Variants in KDM3B observed in about 807,000 individuals in gnomAD.
The protein encoded by KDM3B is lysine-specific demethylase 3B.
Under a neutral mutation model 170.0 loss-of-function variants are expected in KDM3B, and 10 were observed. The ratio of observed to expected loss-of-function variants is 0.06; its 90% CI spans 0.04 to 0.10. KDM3B has a LOEUF of 0.10. KDM3B is among the 10% of genes least tolerant of loss of function. The pLI is 1.00. For synonymous variants in KDM3B, 831 were observed against 834.8 expected (o/e 1.00, Z 0.08); for missense variants, 1,394 against 2,195.2 (o/e 0.64, Z 7.29).
chr5:138,428,955 T>C (rs1031850596), intron 20 of KDM3B, among the ~76,000 whole-genome samples: 1 of 147,602 alleles, frequency 6.8e-6, no homozygotes, highest in East Asian at 1.9e-4. Context: ...TTTTTTTTTT[T>C]TTTTTTTTTT....
intron 15 of KDM3B, among the ~76,000 whole-genome samples, chr5:138,423,196 T>C (rs1340646598): frequency 1.3e-5 from 2 of 152,230 alleles, no homozygotes; most frequent in African/African-American, 2.4e-5. Context: ...TCCACCTGCC[T>C]TGGCCTCCCA....
intron 6 of KDM3B, among the ~76,000 whole-genome samples, chr5:138,382,576 T>A (rs1580897138): frequency 1.3e-5 from 2 of 152,368 alleles, no homozygotes; most frequent in African/African-American, 4.8e-5. Context: ...GTAATATTGC[T>A]GTCGTTGCCA....
chr5:138,412,557 G>A (rs1763000252), intron 11 of KDM3B, among the ~76,000 whole-genome samples: 2 of 151,982 alleles, frequency 1.3e-5, no homozygotes, highest in African/African-American at 4.8e-5. Context: ...AGGAGGCTGA[G>A]GTGGGAGAAT....
intron 1 of KDM3B, among the ~76,000 whole-genome samples, chr5:138,354,387 T>A (rs1761402519): frequency 6.6e-6 from 1 of 152,206 alleles, no homozygotes; most frequent in South Asian, 2.1e-4. Flanking sequence ...ATGGCTGGGA[T>A]GGGAAAAGAA....
At chr5:138,355,551 C>T (rs1299251022) in intron 1 of KDM3B, among the ~76,000 whole-genome samples, 1 of 152,182 alleles carries the variant, frequency 6.6e-6, no homozygotes, top group African/African-American at 2.4e-5. Context: ...GATGTTTAGC[C>T]AAGGCATGAA....
At chr5:138,417,087 C>G (rs1045368299) in intron 12 of KDM3B, among the ~76,000 whole-genome samples, 1 of 152,232 alleles carries the variant, frequency 6.6e-6, no homozygotes, top group Non-Finnish European at 1.5e-5. Context: ...CTCCCACGTG[C>G]TGGGATTAGA....
At chr5:138,375,501 C>T (rs1282658973) in intron 3 of KDM3B, among the ~76,000 whole-genome samples, 3 of 151,972 alleles carry the variant, frequency 2.0e-5, no homozygotes, top group African/African-American at 4.8e-5. Context: ...CCTCAGCCTC[C>T]CGAGTAGCTG....
intron 14 of KDM3B, among the ~76,000 whole-genome samples, chr5:138,419,766 C>CACACACACACACATAT (rs1371751932): frequency 2.3e-5 from 3 of 131,996 alleles, no homozygotes; most frequent in Non-Finnish European, 5.0e-5. Flanking sequence ...CACACACACA[C>CACACACACACACATAT]ATATATATGA....
intron 1 of KDM3B, among the ~76,000 whole-genome samples, chr5:138,368,235 C>CTT (rs111379967): frequency 2.1e-5 from 3 of 139,970 alleles, no homozygotes; most frequent in African/African-American, 7.8e-5. Context: ...TTCTTTCTTT[C>CTT]TTTTTTTTTT....
intron 9 of KDM3B, among the ~76,000 whole-genome samples, chr5:138,397,289 C>T (rs976790166): frequency 4.6e-5 from 7 of 151,852 alleles, no homozygotes; most frequent in Admixed American, 6.6e-5. Flanking sequence ...GAGCCAAGAT[C>T]GCACCACTGC....
At position 138,398,158 on chromosome 5, in the gene KDM3B, T is replaced by C; in HGVS notation, c.2832-20T>C. ...TTTGCGTTGCTCCTGCGATTTACCA[T>C]GTATTTGATCATGTCTCAGGTTGAT... is the stretch of plus-strand genomic sequence containing the variant. On this transcript the variant is annotated intron_variant, in intron 9 of 23. Coordinates refer to ENST00000314358, the MANE Select transcript of KDM3B (RefSeq NM_016604.4). 6.3e-7 allele frequency: 1 copy of C among 1,584,260 alleles called. No homozygotes were observed. Among genetic ancestry groups the C allele is most frequent in the South Asian group, 1.1e-5 (1 of 88,696 alleles).
intron 1 of KDM3B, among the ~76,000 whole-genome samples, chr5:138,367,890 GT>G: frequency 6.6e-6 from 1 of 152,190 alleles, no homozygotes; most frequent in East Asian, 1.9e-4. Context: ...GCAGGCACCT[GT>G]AGTCCCAGCT....
rs561434579 is a variant in KDM3B at position 138,399,466 on chromosome 5, A to G, written c.3047-394A>G. Among the ~76,000 whole-genome samples the G allele has an allele frequency of 6.6e-5, 10 of 151,980 alleles. No homozygotes were observed. In the East Asian group the frequency reaches 2.0e-3, roughly 30 times the overall value. Reference sequence around the variant, plus strand: ...GGCAGGTGAATGGTATGAACCCGGGAGGCGGAGCTTGCAGTGAGCCAAGAT... The same window carrying G: ...GGCAGGTGAATGGTATGAACCCGGGGGGCGGAGCTTGCAGTGAGCCAAGAT... On this transcript the variant is annotated intron_variant, in intron 10 of 23. Transcript: ENST00000314358.
intron 15 of KDM3B, 141 bp downstream of exon 15, chr5:138,421,103 G>A (rs893425306): frequency 1.5e-5 from 15 of 1,026,950 alleles, no homozygotes; most frequent in Non-Finnish European, 2.1e-5. Context: ...TAAAGTTTTG[G>A]GAATCTTTTT....
intron 3 of KDM3B, among the ~76,000 whole-genome samples, chr5:138,375,547 T>C (rs553824270): frequency 2.6e-5 from 4 of 151,776 alleles, no homozygotes; most frequent in African/African-American, 9.7e-5. Flanking sequence ...CCGGCTTATT[T>C]TTTTGTATTT....
intron 11 of KDM3B, among the ~76,000 whole-genome samples, chr5:138,400,715 C>T (rs945978697): frequency 6.6e-6 from 1 of 151,424 alleles, no homozygotes; most frequent in African/African-American, 2.4e-5. Flanking sequence ...TACCACTGCA[C>T]TCCAGCCTGG....
chr5:138,428,158 C>T, intron 20 of KDM3B, 72 bp downstream of exon 20: 2 of 1,438,502 alleles, frequency 1.4e-6, no homozygotes, highest in East Asian at 2.4e-5. Context: ...GTGTTTTCAT[C>T]CTTAGGGCCA....
At chr5:138,401,634 A>G (rs1375780711) in intron 11 of KDM3B, among the ~76,000 whole-genome samples, 1 of 152,192 alleles carries the variant, frequency 6.6e-6, no homozygotes, top group Non-Finnish European at 1.5e-5. Context: ...GAGTATATAT[A>G]TACATGTAGG....
intron 15 of KDM3B, among the ~76,000 whole-genome samples, chr5:138,423,347 T>A (rs188871320): frequency 1.2e-4 from 18 of 152,352 alleles, no homozygotes; most frequent in Admixed American, 5.9e-4. Context: ...AATTCTCCCA[T>A]GATGTTACAT....
Sources: gnomAD v4.1 joint callset for allele counts (sites outside exome capture counted in the v4.1 genomes callset) on GRCh38, gnomAD v4.1.1 for gene constraint, MANE v1.5 for transcripts, NCBI Gene and HGNC (gene_info 2026-07-23, HGNC 2026-07-21) for gene names.